LRRC37A: variants seen among roughly 807,000 people sequenced by gnomAD.
The protein encoded by LRRC37A is leucine rich repeat containing 37A, also known as leucine-rich repeat-containing protein 37A.
Under a neutral mutation model 35.4 loss-of-function variants are expected in LRRC37A, and 3 were observed. The ratio of observed to expected loss-of-function variants is 0.08; its 90% confidence interval spans 0.04 to 0.22. The LOEUF (loss-of-function observed/expected upper bound fraction) is 0.22. LRRC37A is among the 10% of genes least tolerant of loss of function. The probability of loss-of-function intolerance (pLI) is 1.00; values close to 1 mark genes in which losing one functional copy is unlikely to be tolerated. For synonymous variants in LRRC37A, 23 were observed against 215.0 expected, an observed-to-expected ratio of 0.11 and a Z score of 7.81; for missense variants, 67 against 565.3, an observed-to-expected ratio of 0.12 and a Z score of 8.94.
the LRRC37A span, among the ~76,000 whole-genome samples, chr17:46,262,996 T>C: frequency 6.6e-6 from 1 of 152,148 alleles, no homozygotes; most frequent in Non-Finnish European, 1.5e-5. Context: ...TTAGTTAGCT[T>C]GAGCCCAGGA....
chr17:46,284,257 C>T, the LRRC37A span, among the ~76,000 whole-genome samples: 1 of 152,258 alleles, frequency 6.6e-6, no homozygotes, highest in African/African-American at 2.4e-5. Context: ...CAATACCTGG[C>T]TTTCCTAGGC....
the LRRC37A span, among the ~76,000 whole-genome samples, chr17:46,250,450 A>C: frequency 6.6e-6 from 1 of 152,212 alleles, no homozygotes; most frequent in Admixed American, 6.5e-5. Flanking sequence ...AGAAAGGCAG[A>C]CCCACCCTTA....
the LRRC37A span, among the ~76,000 whole-genome samples, chr17:46,281,922 G>C: frequency 0.11 from 16,518 of 151,672 alleles, 861 homozygotes; most frequent in East Asian, 0.27. Flanking sequence ...GGGATTACAG[G>C]CATGAGCCAT....
chr17:46,280,290 G>A, the LRRC37A span, among the ~76,000 whole-genome samples: 3 of 152,282 alleles, frequency 2.0e-5, no homozygotes, highest in Admixed American at 2.0e-4. Context: ...CTTGAACGCG[G>A]GAAGCGGAGG....
At chr17:46,268,821 T>G in the LRRC37A span, 1 of 682,548 alleles carries the variant, frequency 1.5e-6, no homozygotes, top group Non-Finnish European at 2.1e-6. Flanking sequence ...CCTGCATAGT[T>G]ACAACTGTAA....
chr17:46,254,501 C>T, the LRRC37A span, among the ~76,000 whole-genome samples: 2 of 151,984 alleles, frequency 1.3e-5, no homozygotes, highest in Admixed American at 6.6e-5. Context: ...ACCTTAGCCT[C>T]CTGAGTAGCT....
At chr17:46,286,684 A>T in the LRRC37A span, among the ~76,000 whole-genome samples, 1 of 152,388 alleles carries the variant, frequency 6.6e-6, no homozygotes, top group African/African-American at 2.4e-5. Flanking sequence ...TTGTAATGTA[A>T]GTGTATAACA....
At chr17:46,269,620 T>C in the LRRC37A span, among the ~76,000 whole-genome samples, 1 of 152,254 alleles carries the variant, frequency 6.6e-6, no homozygotes, top group African/African-American at 2.4e-5. Flanking sequence ...CAGGCAAAAG[T>C]GTTCCTGATG....
At chr17:46,259,049 T>TTTTTTTTG in the LRRC37A span, among the ~76,000 whole-genome samples, 1 of 119,758 alleles carries the variant, frequency 8.4e-6, no homozygotes, top group Non-Finnish European at 1.7e-5. Context: ...TTTTTTTTTT[T>TTTTTTTTG]TTTTACTAAC....
At chr17:46,257,745 C>CT in the LRRC37A span, among the ~76,000 whole-genome samples, 1 of 150,942 alleles carries the variant, frequency 6.6e-6, no homozygotes, top group Non-Finnish European at 1.5e-5. Flanking sequence ...TCCCTTGAGC[C>CT]TTGGAGGTTG....
At chr17:46,260,215 C>T in the LRRC37A span, 1 of 1,533,402 alleles carries the variant, frequency 6.5e-7, no homozygotes, top group Non-Finnish European at 8.7e-7. Flanking sequence ...CTCACACTTC[C>T]CGGTGCTGCG....
In LRRC37A at chr17:46,333,144, A is replaced by AT. The variant is rs1221423500; in HGVS notation, c.4809+490dup. 3.7e-5 allele frequency among the ~76,000 whole-genome samples: 4 copies of AT among 108,944 alleles called. No individual in the cohort carries two copies. In the Admixed American group the frequency reaches 3.8e-4, roughly 10 times the overall value. The allele number at this position is 108,944 out of a possible 152,430, so 71.5% of individuals were successfully genotyped here. A position where few individuals can be genotyped will look rare whatever the true frequency, so the allele number is the denominator to read the frequency against. The stretch of plus-strand genomic sequence containing the variant: ...AGTATCATCCTCCAGTGTGTAAGGC[A>AT]TTGTCTAAATAGGTCCAGTTAAAGC... On this transcript the variant is annotated intron_variant, in intron 10 of 13. Coordinates refer to ENST00000320254, the Ensembl canonical transcript of LRRC37A.
At chr17:46,263,395 A>G in the LRRC37A span, among the ~76,000 whole-genome samples, 1 of 152,022 alleles carries the variant, frequency 6.6e-6, no homozygotes, top group African/African-American at 2.4e-5. Flanking sequence ...TACTAAAAAT[A>G]CAAAAATTAG....
At chr17:46,276,051 C>T in the LRRC37A span, among the ~76,000 whole-genome samples, 7 of 152,166 alleles carry the variant, frequency 4.6e-5, no homozygotes, top group East Asian at 1.9e-4. Flanking sequence ...CCACCACACC[C>T]GGCTAATTTT....
chr17:46,311,640 C>A lies in LRRC37A; in HGVS notation c.2906+5331C>A, dbSNP rs2050804066. ...AAAAAAAAACAGGCAAGAAATGTTC[C>A]CTTATTTTGTGAGCTACCTTTATTC... On this transcript the variant is annotated intron_variant, in intron 5 of 13. Transcript: ENST00000320254. Among the ~76,000 whole-genome samples the A allele has an allele frequency of 3.3e-5, 3 of 91,476 alleles. 1 individual carries two copies. The highest frequency in any genetic ancestry group is 1.0e-4 in the African/African-American group (3 of 30,106). The allele number at this position is 91,476 out of a possible 152,430, so 60.0% of individuals were successfully genotyped here.
the LRRC37A span, among the ~76,000 whole-genome samples, chr17:46,281,397 CT>C: frequency 9.8e-5 from 14 of 142,154 alleles, no homozygotes; most frequent in Non-Finnish European, 9.5e-5. Context: ...TTATTCTTGT[CT>C]TTTTTTTTTG....
chr17:46,280,732 C>A, the LRRC37A span, among the ~76,000 whole-genome samples: 16,331 of 151,696 alleles, frequency 0.11, 844 homozygotes, highest in East Asian at 0.27. Context: ...CGCCACTATG[C>A]CCGCCTAAGT....
chr17:46,275,253 C>A, the LRRC37A span: 3 of 479,394 alleles, frequency 6.3e-6, no homozygotes, highest in Non-Finnish European at 6.9e-6. Flanking sequence ...ACTGTTATGA[C>A]CAATAAAAAC....
chr17:46,271,172 T>TTTTCTTTTC, the LRRC37A span, among the ~76,000 whole-genome samples: 1 of 112,464 alleles, frequency 8.9e-6, no homozygotes, highest in Admixed American at 9.6e-5. Context: ...TTCTTTTTTT[T>TTTTCTTTTC]TTTTTTTTTT....
Sources: gnomAD v4.1 joint callset for allele counts (sites outside exome capture counted in the v4.1 genomes callset) on GRCh38, gnomAD v4.1.1 for gene constraint, MANE v1.5 for transcripts, NCBI Gene and HGNC (gene_info 2026-07-23, HGNC 2026-07-21) for gene names.